The following EVC2 variants were observed in gnomAD, a reference collection of about 807,000 sequenced individuals.
EVC2 encodes limbin.
Under a neutral mutation model 149.3 loss-of-function variants are expected in EVC2, and 148 were observed. The observed-to-expected ratio is 0.99, with a 90% CI of 0.87 to 1.14. The LOEUF (loss-of-function observed/expected upper bound fraction) is 1.14. Among genes scored for constraint, EVC2 ranks in the 50% most tolerant of loss-of-function variants. EVC2 has a pLI of 0.00. For missense variants in EVC2, 1,854 were observed against 1,627.3 expected (o/e 1.14, Z -2.40); for synonymous variants, 776 against 649.9 (o/e 1.19, Z -2.95).
intron 6 of EVC2, among the ~76,000 whole-genome samples, chr4:5,681,910 A>G (rs1720371288): frequency 6.6e-6 from 1 of 152,170 alleles, no homozygotes; most frequent in African/African-American, 2.4e-5. Flanking sequence ...ATAGCTTGCC[A>G]CTGACAGGCT....
chr4:5,618,655 C>A lies in EVC2; in HGVS notation c.2529G>T (p.Leu843=), dbSNP rs1422054577. ...TCATCCTGAGCAGCTCCTCTTCAGA[C>A]AGGGAGAAGACTGAGGAGCAGAGCT... The part of the protein sequence containing the change: ...FMKLCSSVFS[L]SEEELLRMRQ... The change falls in exon 15 of 22, where the codon CTG becomes CTT. Residue 843 remains leucine (L), a synonymous_variant. Transcript: ENST00000344408. The surrounding 1 kb of genome is among the most constrained non-coding windows in gnomAD (Gnocchi z 4.4). The A allele has an allele frequency of 6.2e-7, 1 of 1,607,954 alleles. No homozygotes were observed. The highest frequency in any genetic ancestry group is 8.5e-7 in the Non-Finnish European group (1 of 1,177,124).
Position 5,681,324 on chromosome 4 carries a change from A to G in EVC2, c.817-11T>C. Reference sequence around the variant, plus strand: ...CAGCTGTGTTCTGTTCTAGAAAAGGAAAAAAGAAAACACTTTCAGCAACAG... The same window carrying G: ...CAGCTGTGTTCTGTTCTAGAAAAGGGAAAAAGAAAACACTTTCAGCAACAG... On this transcript the variant is annotated splice_polypyrimidine_tract_variant and intron_variant, in intron 6 of 21. Transcript: ENST00000344408. The G allele has an allele frequency of 6.2e-7, 1 of 1,614,198 alleles. No individual in the cohort carries two copies. The highest frequency in any genetic ancestry group is 8.5e-7 in the Non-Finnish European group (1 of 1,180,022).
chr4:5,531,400 T>C, the EVC2 span, among the ~76,000 whole-genome samples: 1 of 152,170 alleles, frequency 6.6e-6, no homozygotes, highest in Non-Finnish European at 1.5e-5. Flanking sequence ...GTCAGGGGTC[T>C]CCAACCCCTA....
downstream of EVC2, among the ~76,000 whole-genome samples, chr4:5,539,496 G>A (rs1239441654): frequency 2.0e-5 from 3 of 151,798 alleles, no homozygotes; most frequent in African/African-American, 7.3e-5. Flanking sequence ...CTTTGCAAAA[G>A]AAAAAAATAT....
intron 10 of EVC2, among the ~76,000 whole-genome samples, chr4:5,635,857 G>A (rs921196540): frequency 6.6e-6 from 1 of 152,266 alleles, no homozygotes; most frequent in African/African-American, 2.4e-5. Flanking sequence ...GAACCCCAGA[G>A]GAAGGACCCA....
At chr4:5,575,620 C>T (rs1374630147) in intron 18 of EVC2, among the ~76,000 whole-genome samples, 1 of 152,242 alleles carries the variant, frequency 6.6e-6, no homozygotes, top group African/African-American at 2.4e-5. Context: ...TGTGTATAGA[C>T]TTTGCCTCCA....
intron 18 of EVC2, 146 bp from the exon 19 acceptor site, chr4:5,574,918 C>T: frequency 1.1e-6 from 1 of 875,468 alleles, no homozygotes; most frequent in Non-Finnish European, 1.8e-6. Flanking sequence ...GCCAGAAAGA[C>T]TGCCTTCCTT....
intron 11 of EVC2, 81 bp downstream of exon 11, chr4:5,631,712 G>A (rs1457859857): frequency 1.3e-6 from 2 of 1,575,014 alleles, no homozygotes. Flanking sequence ...GGAGAGGCAG[G>A]ACTGAACTCT....
chr4:5,698,707 T>A (rs1721639844), intron 1 of EVC2, among the ~76,000 whole-genome samples: 1 of 152,264 alleles, frequency 6.6e-6, no homozygotes, highest in South Asian at 2.1e-4. Context: ...ATACTCATTG[T>A]ACAGCACTAC....
chr4:5,604,064 A>AGTCG (rs1357790192), intron 16 of EVC2, among the ~76,000 whole-genome samples: 1 of 152,202 alleles, frequency 6.6e-6, no homozygotes, highest in Non-Finnish European at 1.5e-5. Context: ...TCTGAGACTC[A>AGTCG]GTATTCTCAT....
At position 5,694,437 on chromosome 4, in the gene EVC2, A is replaced by G. The variant is rs1721333226; in HGVS notation, c.348T>C (p.Ser116=). The G allele has an allele frequency of 1.2e-6, 2 of 1,614,110 alleles. No individual in the cohort carries two copies. The highest frequency in any genetic ancestry group is 2.7e-5 in the African/African-American group (2 of 74,942). ...KMEVFIPLST[S]AASSGPWAHS... ...GAGCCCATGGCCCACTAGAGGCTGC[A>G]GAAGTTGAGAGTGGGATGAAGACTT... Residue 116 remains serine (S), a synonymous_variant, in exon 3 of 22, where the codon TCT becomes TCC. Transcript: ENST00000344408.
intron 9 of EVC2, among the ~76,000 whole-genome samples, chr4:5,651,097 T>G (rs1718111001): frequency 6.6e-6 from 1 of 151,944 alleles, no homozygotes; most frequent in Non-Finnish European, 1.5e-5. Context: ...GATGGAAGAA[T>G]GGATGAATGG....
At chr4:5,639,072 A>G (rs752260820) in intron 10 of EVC2, among the ~76,000 whole-genome samples, 1 of 152,138 alleles carries the variant, frequency 6.6e-6, no homozygotes, top group African/African-American at 2.4e-5. Flanking sequence ...TGCAGGCAGG[A>G]CAGCGAGGAC....
intron 9 of EVC2, among the ~76,000 whole-genome samples, chr4:5,644,849 A>T (rs1216382100): frequency 2.0e-5 from 3 of 152,216 alleles, no homozygotes; most frequent in Non-Finnish European, 4.4e-5. Flanking sequence ...GTTGCTTCAA[A>T]TAATAGGAAT....
intron 9 of EVC2, among the ~76,000 whole-genome samples, chr4:5,650,636 TATAGAGAGAGAG>T (rs1196644991): frequency 2.5e-4 from 14 of 55,660 alleles, no homozygotes; most frequent in Non-Finnish European, 4.5e-4. Flanking sequence ...TATATATATA[TATAGAGAGAGAG>T]AGAGAGAGAG....
At position 5,623,019 on chromosome 4, in the gene EVC2, G is replaced by A. The variant is rs747654852; in HGVS notation, c.2047-28C>T. 9.9e-6 allele frequency: 16 copies of A among 1,610,292 alleles called. No individual in the cohort carries two copies. The South Asian group carries it at 1.8e-4, about 18-fold the overall frequency. ...GGAGTTTCAGAAAAGAAAATTAAGTGGGGGTGGGGCTTGGCGGGTACAGTC... is the reference window on the plus strand; with the variant it reads ...GGAGTTTCAGAAAAGAAAATTAAGTAGGGGTGGGGCTTGGCGGGTACAGTC... On this transcript the variant is annotated intron_variant, in intron 13 of 21. Transcript: ENST00000344408.
At chr4:5,706,228 T>A (rs2151747297) in intron 1 of EVC2, among the ~76,000 whole-genome samples, 1 of 151,546 alleles carries the variant, frequency 6.6e-6, no homozygotes, top group South Asian at 2.1e-4. Context: ...AATCACTGTG[T>A]GCAATTAGGC....
chr4:5,618,697 A>G lies in EVC2; in HGVS notation c.2502-15T>C, dbSNP rs1183434463. ...AGCAGAGCTTCCTGGGAGGAAGAAC[A>G]GAGACACACTCTTAACACAGAGAAA... On this transcript the variant is annotated splice_polypyrimidine_tract_variant and intron_variant, in intron 14 of 21. Transcript: ENST00000344408. The surrounding 1 kb of genome is among the most constrained non-coding windows in gnomAD (Gnocchi z 4.4). The G allele has an allele frequency of 1.3e-6, 2 of 1,575,534 alleles. No individual in the cohort carries two copies. Among genetic ancestry groups the G allele is most frequent in the South Asian group, 2.3e-5 (2 of 86,128 alleles).
At chr4:5,617,957 C>G (rs1383740075) in intron 15 of EVC2, among the ~76,000 whole-genome samples, 7 of 152,110 alleles carry the variant, frequency 4.6e-5, no homozygotes, top group Admixed American at 4.6e-4. Context: ...AAAAACTGTA[C>G]CAAAGAGTTG....
Sources: allele counts gnomAD v4.1 joint callset (sites outside exome capture counted in the v4.1 genomes callset), GRCh38; gene constraint gnomAD v4.1.1; non-coding constraint Gnocchi (gnomAD v3.1); transcripts MANE v1.5; gene names NCBI Gene and HGNC (gene_info 2026-07-23, HGNC 2026-07-21).